Variants in SEMA3D observed in about 807,000 individuals in gnomAD.
The protein encoded by SEMA3D is semaphorin-3D.
Under a neutral mutation model 100.1 loss-of-function variants are expected in SEMA3D, and 84 were observed. That is an observed-to-expected ratio of 0.84 (90% CI 0.70 to 1.01). SEMA3D has a LOEUF of 1.01. SEMA3D is among the 50% of genes least tolerant of loss of function. The pLI is 0.00. For missense variants in SEMA3D, 875 were observed against 934.1 expected, an observed-to-expected ratio of 0.94 and a Z score of 0.82; for synonymous variants, 312 against 320.7, an observed-to-expected ratio of 0.97 and a Z score of 0.29.
chr7:85,203,645 T>G, the SEMA3D span, among the ~76,000 whole-genome samples: 2 of 152,150 alleles, frequency 1.3e-5, no homozygotes, highest in African/African-American at 4.8e-5. Context: ...TCAGCAGTGT[T>G]AAAGGGAATC....
At chr7:85,206,429 C>T in the SEMA3D span, among the ~76,000 whole-genome samples, 2 of 152,086 alleles carry the variant, frequency 1.3e-5, no homozygotes, top group Non-Finnish European at 2.9e-5. Context: ...CACAGTACTA[C>T]TGCTTGCTGT....
At chr7:85,208,630 T>C in the SEMA3D span, among the ~76,000 whole-genome samples, 1 of 151,992 alleles carries the variant, frequency 6.6e-6, no homozygotes. Context: ...CATTGGGAAT[T>C]TGAGCCTGGA....
the SEMA3D span, among the ~76,000 whole-genome samples, chr7:85,242,825 T>C: frequency 2.6e-5 from 4 of 152,214 alleles, no homozygotes; most frequent in African/African-American, 7.2e-5. Flanking sequence ...CTCTGAAGTA[T>C]GCTTTTCTAT....
At chr7:85,150,367 A>T (rs978302649) in intron 2 of SEMA3D, among the ~76,000 whole-genome samples, 9 of 135,298 alleles carry the variant, frequency 6.7e-5, no homozygotes, top group Non-Finnish European at 9.5e-5. Context: ...ATATATATAT[A>T]TTATATATAT....
intron 4 of SEMA3D, among the ~76,000 whole-genome samples, chr7:85,088,905 T>C (rs546817530): frequency 5.9e-5 from 9 of 152,316 alleles, no homozygotes; most frequent in African/African-American, 2.2e-4. Flanking sequence ...TTTTCCCGAC[T>C]CAGCTCAGAA....
the SEMA3D span, among the ~76,000 whole-genome samples, chr7:85,195,040 C>T: frequency 6.6e-6 from 1 of 152,132 alleles, no homozygotes; most frequent in Non-Finnish European, 1.5e-5. Context: ...GGTCACAATT[C>T]ATCCCACAAA....
the SEMA3D span, among the ~76,000 whole-genome samples, chr7:85,221,368 T>A: frequency 1.3e-5 from 2 of 152,092 alleles, no homozygotes; most frequent in Non-Finnish European, 1.5e-5. Context: ...CAATATATCC[T>A]CACTTTACCA....
intron 2 of SEMA3D, chr7:85,142,178 C>T (rs369575019): frequency 1.0e-6 from 1 of 984,496 alleles, no homozygotes; most frequent in Non-Finnish European, 1.2e-6. Context: ...CTCAGTGTCT[C>T]TTACCAATTT....
the SEMA3D span, among the ~76,000 whole-genome samples, chr7:85,231,257 A>G: frequency 6.6e-6 from 1 of 152,056 alleles, no homozygotes; most frequent in Non-Finnish European, 1.5e-5. Context: ...ATCTTGATAT[A>G]TTATGATTAT....
In SEMA3D at chr7:84,999,194, C is replaced by G; in HGVS notation, c.*246G>C. 6.0e-6 allele frequency: 3 copies of G among 496,676 alleles called. No individual in the cohort carries two copies. Among genetic ancestry groups the G allele is most frequent in the Non-Finnish European group, 1.1e-5 (3 of 281,156 alleles). 30.8% of individuals were successfully genotyped at this position (496,676 alleles called of 1,614,324 possible). ...AACTCAAAACATAAAACATTTACAA[C>G]TGTAAACCCCCTATTTTTAGGATAA... is the stretch of plus-strand genomic sequence containing the variant. On this transcript the variant is annotated 3_prime_UTR_variant, in exon 19 of 19. Coordinates refer to ENST00000284136, the MANE Select transcript of SEMA3D (RefSeq NM_001384900.1).
At chr7:85,180,934 T>C (rs572578423) in intron 1 of SEMA3D, among the ~76,000 whole-genome samples, 1 of 152,300 alleles carries the variant, frequency 6.6e-6, no homozygotes, top group Non-Finnish European at 1.5e-5. Context: ...AAGACAGGTG[T>C]GAAGATTACT....
At chr7:85,186,318 G>A (rs1791547594) in intron 1 of SEMA3D, among the ~76,000 whole-genome samples, 1 of 152,146 alleles carries the variant, frequency 6.6e-6, no homozygotes, top group Non-Finnish European at 1.5e-5. Flanking sequence ...GAGGGGTGGT[G>A]GGGGAACCAG....
intron 3 of SEMA3D, among the ~76,000 whole-genome samples, chr7:85,108,984 T>G (rs1041824199): frequency 1.3e-5 from 2 of 151,938 alleles, no homozygotes; most frequent in African/African-American, 2.4e-5. Context: ...AGACTTTCAT[T>G]TCAAATATCT....
At chr7:85,157,127 A>T (rs983392280) in intron 1 of SEMA3D, among the ~76,000 whole-genome samples, 23 of 151,370 alleles carry the variant, frequency 1.5e-4, no homozygotes, top group South Asian at 2.1e-4. Flanking sequence ...TAGTCTGTTT[A>T]AAAAAAAATA....
the SEMA3D span, among the ~76,000 whole-genome samples, chr7:85,245,642 C>A: frequency 6.6e-6 from 1 of 152,108 alleles, no homozygotes; most frequent in Non-Finnish European, 1.5e-5. Flanking sequence ...CTTAAATGAA[C>A]TAGAACTAAC....
chr7:85,064,139 A>G (rs965690420), intron 8 of SEMA3D, among the ~76,000 whole-genome samples: 1 of 152,230 alleles, frequency 6.6e-6, no homozygotes, highest in African/African-American at 2.4e-5. Context: ...TGGAAAAAAT[A>G]CTACTGTCTT....
the SEMA3D span, among the ~76,000 whole-genome samples, chr7:85,249,539 C>A: frequency 6.6e-6 from 1 of 152,142 alleles, no homozygotes; most frequent in Non-Finnish European, 1.5e-5. Flanking sequence ...CTCTTCTGAG[C>A]CAACTATCCC....
chr7:85,020,974 C>T (rs1001503443), intron 13 of SEMA3D, among the ~76,000 whole-genome samples: 9 of 151,202 alleles, frequency 6.0e-5, no homozygotes, highest in African/African-American at 2.2e-4. Flanking sequence ...AATACATCAT[C>T]TTACATTGAA....
chr7:85,128,440 ATTACAG>A (rs1422637333), intron 2 of SEMA3D, among the ~76,000 whole-genome samples: 2 of 152,082 alleles, frequency 1.3e-5, no homozygotes, highest in Non-Finnish European at 2.9e-5. Flanking sequence ...AAGTGTTGGG[ATTACAG>A]GCATCAGCCA....
Sources: gnomAD v4.1 joint callset for allele counts (sites outside exome capture counted in the v4.1 genomes callset) on GRCh38, gnomAD v4.1.1 for gene constraint, MANE v1.5 for transcripts, NCBI Gene and HGNC (gene_info 2026-07-23, HGNC 2026-07-21) for gene names.